POLR3A: variants seen among roughly 807,000 people sequenced by gnomAD.
The protein encoded by POLR3A is RNA polymerase III subunit A.
Under a neutral mutation model 152.8 loss-of-function variants are expected in POLR3A, and 112 were observed. The observed-to-expected ratio is 0.73, with a 90% CI of 0.63 to 0.86. The LOEUF (loss-of-function observed/expected upper bound fraction) is 0.86, where lower values mean the gene tolerates loss of function less well. Among genes scored for constraint, POLR3A ranks in the 40% least tolerant of loss-of-function variants. The probability of loss-of-function intolerance (pLI) is 0.00; values close to 1 mark genes in which losing one functional copy is unlikely to be tolerated. For synonymous variants in POLR3A, 615 were observed against 652.1 expected (o/e 0.94, Z 0.87); for missense variants, 1,385 against 1,743.1 (o/e 0.79, Z 3.66).
intron 19 of POLR3A, among the ~76,000 whole-genome samples, chr10:77,996,074 T>G (rs1380207596): frequency 1.3e-5 from 2 of 151,780 alleles, no homozygotes; most frequent in African/African-American, 4.8e-5. Context: ...GGGTAAATAA[T>G]GAAATGAAGG....
In POLR3A at chr10:78,019,173, C is replaced by T. The variant is rs779675895; in HGVS notation, c.1278G>A (p.Thr426=). 5.0e-6 allele frequency: 8 copies of T among 1,610,100 alleles called. No homozygotes were observed. The East Asian group carries it at 6.7e-5, about 13-fold the overall frequency. ...TGGGAAAAGATTACCTTTTCATCTG[C>T]GTATGTCTCTGCTGAATGAAGTTTG... is the stretch of plus-strand genomic sequence containing the variant. ...PGANFIQQRH[T]QMKRFLKYGN... The change falls in exon 9 of 31, where the codon ACG becomes ACA. Residue 426 remains threonine (T), a synonymous_variant. Transcript: ENST00000372371.
Position 78,022,336 on chromosome 10 carries a change from C to G in POLR3A, c.694G>C (p.Ala232Pro). 6.2e-7 allele frequency: 1 copy of G among 1,614,046 alleles called. No homozygotes were observed. The highest frequency in any genetic ancestry group is 8.5e-7 in the Non-Finnish European group (1 of 1,179,936). The change falls in exon 6 of 31, where the codon GCT becomes CCT. Residue 232 changes from alanine (A) to proline (P), a missense_variant. Ala to Pro is a conservative substitution (Grantham distance 27). Transcript: ENST00000372371. ...ATCAGAAGTAGAGGAACATCTTCAG[C>G]TGGGATTCGTTTAAATAAATTCAGA... ...VVLNLFKRIP[A>P]EDVPLLLMNP... is the part of the protein sequence containing the mutation.
At chr10:77,998,496 G>C (rs1340368605) in intron 19 of POLR3A, among the ~76,000 whole-genome samples, 1 of 152,208 alleles carries the variant, frequency 6.6e-6, no homozygotes, top group Admixed American at 6.5e-5. Flanking sequence ...TGAAGGATAT[G>C]AACAGACACT....
In POLR3A at chr10:78,009,981, G is replaced by T. The variant is rs1260944807; in HGVS notation, c.1653C>A (p.Leu551=). The change falls in exon 13 of 31, where the codon CTC becomes CTA. Residue 551 remains leucine (L), a synonymous_variant. Transcript: ENST00000372371. ...AIQDFLTGAY[L]LTLKDTFFDR... The stretch of plus-strand genomic sequence containing the variant: ...CAAAGAAAGTGTCCTTGAGAGTGAG[G>T]AGATAGGCACCTAAGCATTAGGAAC... The T allele has an allele frequency of 1.2e-6, 2 of 1,613,960 alleles. No homozygotes were observed. Among genetic ancestry groups the T allele is most frequent in the Admixed American group, 3.3e-5 (2 of 60,000 alleles).
At position 77,981,472 on chromosome 10, in the gene POLR3A, C is replaced by G. The variant is rs775448817; in HGVS notation, c.3847G>C (p.Asp1283His). Residue 1283 changes from aspartate (D) to histidine (H), a missense_variant, in exon 29 of 31, where the codon GAC becomes CAC. Physicochemically the swap from Asp to His is moderately conservative, Grantham distance 81 (BLOSUM62 -1). Coordinates refer to ENST00000372371, the MANE Select transcript of POLR3A (RefSeq NM_007055.4). The stretch of plus-strand genomic sequence containing the variant: ...GAGAGCAGCATCACGTGCCTCCTGT[C>G]GATGCTCATGCCGTGGTTCACCATG... ...YTMVNHGMSI[D>H]RRHVMLLSDL... 1 of 1,614,028 alleles carries G rather than the reference C, an allele frequency of 6.2e-7. No homozygotes were observed. Among genetic ancestry groups the G allele is most frequent in the East Asian group, 2.2e-5 (1 of 44,876 alleles).
rs1343020495 is a variant in POLR3A, at chr10:78,025,763, T to C, written c.181-4A>G. The C allele has an allele frequency of 6.2e-7, 1 of 1,614,030 alleles. No individual in the cohort carries two copies. Among genetic ancestry groups the C allele is most frequent in the Admixed American group, 1.7e-5 (1 of 60,014 alleles). Reference sequence around the variant, plus strand: ...GACGATCCTTCTCACTCGTACCCTTTGAAAAAAAGCACACCCAATGATCAA... The same window carrying C: ...GACGATCCTTCTCACTCGTACCCTTCGAAAAAAAGCACACCCAATGATCAA... On this transcript the variant is annotated splice_polypyrimidine_tract_variant and splice_region_variant and intron_variant, in intron 2 of 30. Coordinates refer to ENST00000372371, the MANE Select transcript of POLR3A (RefSeq NM_007055.4).
Position 77,981,435 on chromosome 10 carries a change from G to A in POLR3A, c.3884C>T (p.Thr1295Ile), listed in dbSNP as rs748814096. The change falls in exon 29 of 31, where the codon ACC becomes ATC. Residue 1295 changes from threonine to isoleucine, a missense_variant. Coordinates refer to ENST00000372371, the MANE Select transcript of POLR3A (RefSeq NM_007055.4). ...RHVMLLSDLMTYKGEVLGITR... is the reference protein window; with the variant it reads ...RHVMLLSDLMIYKGEVLGITR... Reference sequence around the variant, plus strand: ...GGCCTCCTGCCCACATACCTTGTAGGTCATGAGGTCGGAGAGCAGCATCAC... The same window carrying A: ...GGCCTCCTGCCCACATACCTTGTAGATCATGAGGTCGGAGAGCAGCATCAC... 6 of 1,614,060 alleles carry A rather than the reference G, an allele frequency of 3.7e-6. No individual in the cohort carries two copies. The highest frequency in any genetic ancestry group is 4.2e-6 in the Non-Finnish European group (5 of 1,179,946).
At position 78,022,255 on chromosome 10, in the gene POLR3A, G is replaced by A; in HGVS notation, c.775C>T (p.Pro259Ser). Residue 259 changes from proline to serine, a missense_variant, in exon 6 of 31, where the codon CCT (proline) becomes TCT (serine). Around this residue, in one of 7 missense-constraint regions of POLR3A, gnomAD observed 493 missense variants for 647.5 expected, o/e 0.76. Transcript: ENST00000372371. The part of the protein sequence containing the change: ...DLILTRLLVP[P>S]LCIRPSVVSD... ...ACAACGGAGGGTCTGATACACAAAGGAGGCACCAAAAGTCGTGTGAGAATC... is the reference window on the plus strand; with the variant it reads ...ACAACGGAGGGTCTGATACACAAAGAAGGCACCAAAAGTCGTGTGAGAATC... 2 of 1,614,220 alleles carry A rather than the reference G, an allele frequency of 1.2e-6. No individual in the cohort carries two copies. Among genetic ancestry groups the A allele is most frequent in the Non-Finnish European group, 1.7e-6 (2 of 1,180,036 alleles).
In POLR3A at chr10:78,021,939, A is replaced by C; in HGVS notation, c.969T>G (p.Ser323Arg). The change falls in exon 7 of 31, where the codon AGT (serine) becomes AGG (arginine). Residue 323 changes from serine (S) to arginine (R), a missense_variant. Around this residue, in one of 7 missense-constraint regions of POLR3A, gnomAD observed 493 missense variants for 647.5 expected, o/e 0.76. Coordinates refer to ENST00000372371, the MANE Select transcript of POLR3A (RefSeq NM_007055.4). ...TGTTGAGGGGAATGCCCGAGAGCTC[A>C]CTGTTAATGTAGAGGGCACACTGCA... Reference protein sequence around the residue: ...LQLQCALYINSELSGIPLNMA... With the variant: ...LQLQCALYINRELSGIPLNMA... 1 of 1,614,142 alleles carries C rather than the reference A, an allele frequency of 6.2e-7. No individual in the cohort carries two copies. Among genetic ancestry groups the C allele is most frequent in the Non-Finnish European group, 8.5e-7 (1 of 1,179,994 alleles).
chr10:77,981,198 C>T (rs1208087940), intron 29 of POLR3A, among the ~76,000 whole-genome samples: 3 of 152,140 alleles, frequency 2.0e-5, no homozygotes, highest in Admixed American at 6.5e-5. Context: ...TTCACTCCAC[C>T]GACTGGGTAT....
At chr10:78,001,862 T>C (rs186844144) in intron 17 of POLR3A, among the ~76,000 whole-genome samples, 44 of 151,150 alleles carry the variant, frequency 2.9e-4, no homozygotes, top group African/African-American at 9.8e-4. Context: ...CAGGCTGATC[T>C]CAAACTCCTG....
chr10:78,003,933 CA>C (rs1847384481), intron 16 of POLR3A, among the ~76,000 whole-genome samples: 1 of 151,420 alleles, frequency 6.6e-6, no homozygotes. Flanking sequence ...CATCTTAAAA[CA>C]AAACAACAAC....
rs1847538450 is a variant in POLR3A at position 78,017,702 on chromosome 10, C to G, written c.1304G>C (p.Gly435Ala). 1.2e-6 allele frequency: 2 copies of G among 1,614,006 alleles called. No homozygotes were observed. The highest frequency in any genetic ancestry group is 1.7e-6 in the Non-Finnish European group (2 of 1,180,036). Residue 435 changes from glycine to alanine, a missense_variant, in exon 10 of 31, where the codon GGA becomes GCA. By Grantham distance (60) the Gly-to-Ala change is moderately conservative (BLOSUM62 0). Coordinates refer to ENST00000372371, the MANE Select transcript of POLR3A (RefSeq NM_007055.4). ...HTQMKRFLKY[G>A]NREKMAQELK... is the part of the protein sequence containing the mutation. ...CTCTTGAGCCATCTTTTCTCGATTT[C>G]CGTATTTCAAAAACCTGAATGTGCA...
At chr10:77,991,885 T>G (rs1847252972) in intron 20 of POLR3A, among the ~76,000 whole-genome samples, 1 of 152,224 alleles carries the variant, frequency 6.6e-6, no homozygotes, top group African/African-American at 2.4e-5. Flanking sequence ...GCTGCATTAT[T>G]ATTCTTTTGT....
chr10:77,995,799 C>A (rs931265277), intron 19 of POLR3A, among the ~76,000 whole-genome samples: 11 of 152,176 alleles, frequency 7.2e-5, no homozygotes, highest in Admixed American at 6.5e-4. Flanking sequence ...CTCAGCTCTG[C>A]ACCAAGCGGA....
rs1342626907 is a variant in POLR3A, at chr10:77,977,510, T to C, written c.4141A>G (p.Thr1381Ala). The part of the protein sequence containing the change: ...NPPKRPLIFD[T>A]NEFHIPLVT ...ACAAGGGGGATGTGGAATTCATTTG[T>C]GTCGAAGATCAGGGGCCTCTTGGGA... The change falls in exon 31 of 31, where the codon ACA becomes GCA. Residue 1381 changes from threonine (T) to alanine (A), a missense_variant. This residue lies in a region of POLR3A where 332 missense variants were observed against 400.1 expected (regional missense o/e 0.83). Transcript: ENST00000372371. The C allele has an allele frequency of 1.2e-6, 2 of 1,614,132 alleles. No homozygotes were observed. Among genetic ancestry groups the C allele is most frequent in the Non-Finnish European group, 1.7e-6 (2 of 1,180,012 alleles).
rs1174747715 is a variant in POLR3A, at chr10:78,010,478, A to G, written c.1635T>C (p.Phe545=). The change falls in exon 12 of 31, where the codon TTT becomes TTC. Residue 545 remains phenylalanine (F), a synonymous_variant. Coordinates refer to ENST00000372371, the MANE Select transcript of POLR3A (RefSeq NM_007055.4). ...TGAACTTCACCAACCTACCTGTTAG[A>G]AAATCCTGAATAGCAGCAATCAGCG... ...GEPLIAAIQD[F]LTGAYLLTLK... The G allele has an allele frequency of 1.2e-6, 2 of 1,613,378 alleles. No homozygotes were observed. Among genetic ancestry groups the G allele is most frequent in the Middle Eastern group, 1.6e-4 (1 of 6,062 alleles).
intron 17 of POLR3A, among the ~76,000 whole-genome samples, chr10:78,001,678 G>C (rs1847358720): frequency 6.6e-6 from 1 of 152,168 alleles, no homozygotes; most frequent in Non-Finnish European, 1.5e-5. Flanking sequence ...ACATCATTAA[G>C]TACATTAAAA....
At chr10:78,009,703 A>C (rs1347094312) in intron 13 of POLR3A, 28 bp from the exon 14 acceptor site, 1 of 1,614,136 alleles carries the variant, frequency 6.2e-7, no homozygotes, top group South Asian at 1.1e-5. Context: ...CCTGAGAGTC[A>C]GTGGGCTGAG....
Sources: allele counts gnomAD v4.1 joint callset (sites outside exome capture counted in the v4.1 genomes callset), GRCh38; gene constraint gnomAD v4.1.1; regional missense constraint gnomAD v4.1.1; transcripts MANE v1.5; gene names NCBI Gene and HGNC (gene_info 2026-07-23, HGNC 2026-07-21).